ZC3H14: variants seen among roughly 807,000 people sequenced by gnomAD.
The protein encoded by ZC3H14 is zinc finger CCCH domain-containing protein 14.
In ZC3H14, 31 loss-of-function variants were observed where a neutral mutation model predicts 92.4. The observed-to-expected ratio is 0.34, with a 90% CI of 0.25 to 0.45. The LOEUF (loss-of-function observed/expected upper bound fraction) is 0.45, where lower values mean the gene tolerates loss of function less well. Among genes scored for constraint, ZC3H14 ranks in the 20% least tolerant of loss-of-function variants. ZC3H14 has a pLI of 1.00. For missense variants in ZC3H14, 781 were observed against 897.3 expected (o/e 0.87, Z 1.66); for synonymous variants, 321 against 300.9 (o/e 1.07, Z -0.69).
chr14:88,607,892 C>T (rs1196646758), intron 13 of ZC3H14, among the ~76,000 whole-genome samples: 2 of 114,902 alleles, frequency 1.7e-5, no homozygotes, highest in African/African-American at 3.3e-5. Context: ...ATCCCCATCT[C>T]ACCCTGCAAG....
chr14:88,577,887 A>G, intron 8 of ZC3H14, 98 bp from the exon 9 acceptor site: 1 of 1,525,044 alleles, frequency 6.6e-7, no homozygotes, highest in Non-Finnish European at 9.1e-7. Flanking sequence ...TATGTCCTAA[A>G]CCAAAGGAGG....
chr14:88,581,669 A>G (rs548165725), intron 9 of ZC3H14, among the ~76,000 whole-genome samples: 3 of 152,360 alleles, frequency 2.0e-5, no homozygotes, highest in Admixed American at 1.3e-4. Context: ...TCAACATCCC[A>G]GATAGCAAAG....
intron 10 of ZC3H14, among the ~76,000 whole-genome samples, chr14:88,598,649 G>A (rs887933735): frequency 1.3e-5 from 2 of 152,224 alleles, no homozygotes; most frequent in African/African-American, 4.8e-5. Context: ...ACCTTCAGGT[G>A]ATTTTGTCGT....
rs1454159427 is a variant in ZC3H14, at chr14:88,602,951, C to T, written c.1638C>T (p.Pro546=). ...ACATGTGCTTTGAAGGAATGAAACC[C>T]GTAAACCAAACTGCAGCCTCAAACA... ...EEDMCFEGMK[P]VNQTAASNKG... The change falls in exon 12 of 17, where the codon CCC becomes CCT. Residue 546 remains proline, a synonymous_variant. Transcript: ENST00000251038. 10 of 1,613,998 alleles carry T rather than the reference C, an allele frequency of 6.2e-6. No homozygotes were observed. The highest frequency in any genetic ancestry group is 2.7e-5 in the African/African-American group (2 of 74,900).
intron 2 of ZC3H14, among the ~76,000 whole-genome samples, chr14:88,566,076 C>T (rs987921013): frequency 7.7e-6 from 1 of 130,034 alleles, no homozygotes; most frequent in African/African-American, 2.9e-5. Flanking sequence ...GACGGTGTTT[C>T]ACCATGTTGG....
Position 88,618,570 on chromosome 14 carries a change from G to T in ZC3H14, c.*6819G>T. ...TGAGAAGCTGGAGCTCTGGAGCTCA[G>T]GAACTTTAAATGCATTCACTAACAC... On this transcript the variant is annotated 3_prime_UTR_variant, in exon 17 of 17. Transcript: ENST00000251038. 1 of 1,478,334 alleles carries T rather than the reference G, an allele frequency of 6.8e-7. No individual in the cohort carries two copies. The highest frequency in any genetic ancestry group is 2.4e-5 in the East Asian group (1 of 42,486). The allele number at this position is 1,478,334 out of a possible 1,614,324, so 91.6% of individuals were successfully genotyped here.
Position 88,614,463 on chromosome 14 carries a change from C to T in ZC3H14, c.*2712C>T, listed in dbSNP as rs1310157018. 6.6e-6 allele frequency: 1 copy of T among 152,102 alleles called. No homozygotes were observed. The highest frequency in any genetic ancestry group is 6.6e-5 in the Admixed American group (1 of 15,258). 9.4% of individuals were successfully genotyped at this position (152,102 alleles called of 1,614,324 possible). A position where few individuals can be genotyped will look rare whatever the true frequency, so the allele number is the denominator to read the frequency against. The stretch of plus-strand genomic sequence containing the variant: ...TTTTTAGTATTAACCAAGTATTAGA[C>T]ACAGAAAATAGGTATTAAGAATCTT... On this transcript the variant is annotated 3_prime_UTR_variant, in exon 17 of 17. Transcript: ENST00000251038.
Position 88,601,929 on chromosome 14 carries a change from T to C in ZC3H14, c.1360T>C (p.Tyr454His), listed in dbSNP as rs1021510275. The C allele has an allele frequency of 1.5e-5, 24 of 1,613,940 alleles. No homozygotes were observed. Among genetic ancestry groups the C allele is most frequent in the African/African-American group, 6.7e-5 (5 of 74,942 alleles). ...AETLQMSQDY[Y>H]DMESMVHADT... is the part of the protein sequence containing the mutation. Reference sequence around the variant, plus strand: ...GGCCAATTTTTTTGGCTCAGATTACTATGACATGGAATCCATGGTCCATGC... The same window carrying C: ...GGCCAATTTTTTTGGCTCAGATTACCATGACATGGAATCCATGGTCCATGC... Residue 454 changes from tyrosine to histidine, a missense_variant, in exon 11 of 17, where the codon TAT becomes CAT. Coordinates refer to ENST00000251038, the MANE Select transcript of ZC3H14 (RefSeq NM_024824.5).
chr14:88,564,236 C>A (rs116193623), intron 2 of ZC3H14, among the ~76,000 whole-genome samples: 107 of 152,302 alleles, frequency 7.0e-4, no homozygotes, highest in African/African-American at 2.5e-3. Context: ...ATTTTCCGAT[C>A]TCTTTATGTT....
Position 88,621,219 on chromosome 14 carries a change from C to A in ZC3H14, c.*9468C>A. 1.2e-6 allele frequency: 2 copies of A among 1,613,936 alleles called. No homozygotes were observed. Among genetic ancestry groups the A allele is most frequent in the African/African-American group, 1.3e-5 (1 of 75,038 alleles). On this transcript the variant is annotated 3_prime_UTR_variant, in exon 17 of 17. Coordinates refer to ENST00000251038, the MANE Select transcript of ZC3H14 (RefSeq NM_024824.5). ...TCCCCAGATTGGCCCATCCACATGA[C>A]CGTTAACTAAAATATTACAAGCTGC...
chr14:88,603,205 A>G, intron 12 of ZC3H14, 145 bp downstream of exon 12: 4 of 818,288 alleles, frequency 4.9e-6, no homozygotes, highest in Non-Finnish European at 8.1e-6. Flanking sequence ...AGACAAACCC[A>G]CCAAGTACAT....
At chr14:88,576,857 CT>C (rs1328258298) in intron 8 of ZC3H14, among the ~76,000 whole-genome samples, 4 of 152,012 alleles carry the variant, frequency 2.6e-5, no homozygotes, top group African/African-American at 9.7e-5. Flanking sequence ...GTGGTGTGAT[CT>C]TGGCTTACTG....
intron 3 of ZC3H14, among the ~76,000 whole-genome samples, chr14:88,568,668 G>C (rs556189325): frequency 6.6e-6 from 1 of 152,272 alleles, no homozygotes; most frequent in East Asian, 1.9e-4. Context: ...AACCTTATCA[G>C]CCTCTGAAGC....
At chr14:88,583,942 T>G (rs2082198885) in intron 9 of ZC3H14, among the ~76,000 whole-genome samples, 1 of 152,224 alleles carries the variant, frequency 6.6e-6, no homozygotes, top group African/African-American at 2.4e-5. Context: ...TTAATTTCTC[T>G]TGTACTTATA....
Position 88,618,487 on chromosome 14 carries a change from C to A in ZC3H14, c.*6736C>A. ...CTACAAAAACTTAATAGGAGAAAAGCTCTGATAAGTGGGGGAGGAAAGGGG... is the reference window on the plus strand; with the variant it reads ...CTACAAAAACTTAATAGGAGAAAAGATCTGATAAGTGGGGGAGGAAAGGGG... On this transcript the variant is annotated 3_prime_UTR_variant, in exon 17 of 17. Transcript: ENST00000251038. 9.2e-7 allele frequency: 1 copy of A among 1,083,712 alleles called. No individual in the cohort carries two copies. The highest frequency in any genetic ancestry group is 1.6e-5 in the South Asian group (1 of 60,786). The allele number at this position is 1,083,712 out of a possible 1,614,324, so 67.1% of individuals were successfully genotyped here.
At chr14:88,587,979 A>T (rs1245422049) in intron 9 of ZC3H14, among the ~76,000 whole-genome samples, 1 of 152,094 alleles carries the variant, frequency 6.6e-6, no homozygotes, top group Admixed American at 6.5e-5. Flanking sequence ...TACAAGGCCA[A>T]ATTTACATTC....
rs371409963 is a variant in ZC3H14, at chr14:88,621,326, A to G, written c.*9575A>G. 94 of 1,612,392 alleles carry G rather than the reference A, an allele frequency of 5.8e-5. No individual in the cohort carries two copies. Among genetic ancestry groups the G allele is most frequent in the Non-Finnish European group, 7.6e-5 (90 of 1,178,772 alleles). ...CCTGAAACACAAGCAGGACCAATAC[A>G]GTGAATGTAATACAACAGCTGCTTT... is the stretch of plus-strand genomic sequence containing the variant. On this transcript the variant is annotated 3_prime_UTR_variant, in exon 17 of 17. Coordinates refer to ENST00000251038, the MANE Select transcript of ZC3H14 (RefSeq NM_024824.5).
intron 9 of ZC3H14, chr14:88,594,973 T>C (rs1420169747): frequency 6.2e-7 from 1 of 1,613,970 alleles, no homozygotes; most frequent in African/African-American, 1.3e-5. Context: ...AAAAATTTCA[T>C]CTTTGGAGGT....
intron 14 of ZC3H14, 126 bp downstream of exon 14, chr14:88,609,529 C>T (rs957312735): frequency 9.4e-6 from 14 of 1,488,060 alleles, no homozygotes; most frequent in Non-Finnish European, 1.2e-5. Context: ...GTTAATCCAA[C>T]CAGTCTTTAA....
Sources: gnomAD v4.1 joint callset for allele counts (sites outside exome capture counted in the v4.1 genomes callset) on GRCh38, gnomAD v4.1.1 for gene constraint, MANE v1.5 for transcripts, NCBI Gene and HGNC (gene_info 2026-07-23, HGNC 2026-07-21) for gene names.